SPIN3: variants seen among roughly 807,000 people sequenced by gnomAD.
SPIN3 encodes the protein spindlin-3.
For synonymous variants in SPIN3, 74 were observed against 74.3 expected, an observed-to-expected ratio of 1.00 and a Z score of 0.02; for missense variants, 176 against 196.4, an observed-to-expected ratio of 0.90 and a Z score of 0.62.
chrX:56,980,576 T>A (rs1924095315), intron 3 of SPIN3: 1 of 72,848 alleles, frequency 1.4e-5, no homozygotes, highest in South Asian at 7.4e-4. Flanking sequence ...ATCTCTCTTT[T>A]TTAATTTCCT....
chrX:56,990,541 T>C (rs1326746244), downstream of SPIN3, among the ~76,000 whole-genome samples: 1 of 112,175 alleles, frequency 8.9e-6, no homozygotes, highest in Non-Finnish European at 1.9e-5. Context: ...GTTTATTAAT[T>C]ATATAGTACC....
At chrX:56,987,080 G>A (rs1046475275), downstream of SPIN3, among the ~76,000 whole-genome samples, 7 of 112,031 alleles carry the variant, frequency 6.2e-5, no homozygotes, top group Admixed American at 6.6e-4. Flanking sequence ...GCGGTGAGCC[G>A]AGATTGGGCC....
chrX:56,988,712 C>A (rs1924271851), downstream of SPIN3, among the ~76,000 whole-genome samples: 1 of 111,349 alleles, frequency 9.0e-6, no homozygotes. Flanking sequence ...AAATATAAGC[C>A]TGTGGACCCC....
chrX:56,983,704 A>G (rs1924166685), intron 3 of SPIN3, among the ~76,000 whole-genome samples: 1 of 112,638 alleles, frequency 8.9e-6, no homozygotes, highest in South Asian at 3.6e-4. Context: ...AACAGTTTCA[A>G]CAGACCTGAG....
At position 56,994,031 on chromosome X, in the gene SPIN3, G is replaced by C. The variant is rs944595384; in HGVS notation, c.*140C>G. On this transcript the variant is annotated 3_prime_UTR_variant, in exon 2 of 2. Coordinates refer to ENST00000374919, the MANE Select transcript of SPIN3 (RefSeq NM_001010862.3). ...AAAGGTTTCTTCCAAAAACGTATGAGAGGGCAGAAGTTCCAATTTTTTTGC... is the reference window on the plus strand; with the variant it reads ...AAAGGTTTCTTCCAAAAACGTATGACAGGGCAGAAGTTCCAATTTTTTTGC... 4 of 570,119 alleles carry C rather than the reference G, an allele frequency of 7.0e-6. No individual in the cohort carries two copies. In the African/African-American group the frequency reaches 9.3e-5, roughly 13 times the overall value. 47.0% of individuals were successfully genotyped at this position (570,119 alleles called of 1,213,427 possible).
chrX:56,992,754 C>A lies in SPIN3; in HGVS notation c.*1417G>T, dbSNP rs1271652552. On this transcript the variant is annotated 3_prime_UTR_variant, in exon 2 of 2. Transcript: ENST00000374919. ...TTTGGCCAGGTGCTTCTCTCAAAAACCATGCTTGTACTTCAACTTTTCTTT... is the reference window on the plus strand; with the variant it reads ...TTTGGCCAGGTGCTTCTCTCAAAAAACATGCTTGTACTTCAACTTTTCTTT... 1.1e-5 allele frequency: 3 copies of A among 280,445 alleles called. No homozygotes were observed. Among genetic ancestry groups the A allele is most frequent in the African/African-American group, 8.4e-5 (3 of 35,927 alleles). 23.1% of individuals were successfully genotyped at this position (280,445 alleles called of 1,213,427 possible).
At chrX:56,983,014 G>A (rs1008843437) in intron 3 of SPIN3, 1 of 111,846 alleles carries the variant, frequency 8.9e-6, no homozygotes, top group Non-Finnish European at 1.9e-5. Flanking sequence ...AAAGGAGCCA[G>A]ATCATGAAGG....
Position 56,994,091 on chromosome X carries a change from T to G in SPIN3, c.*80A>C. 4.9e-6 allele frequency: 5 copies of G among 1,020,282 alleles called. No individual in the cohort carries two copies. Among genetic ancestry groups the G allele is most frequent in the Non-Finnish European group, 6.5e-6 (5 of 767,810 alleles). 84.1% of individuals were successfully genotyped at this position (1,020,282 alleles called of 1,213,427 possible). A position where few individuals can be genotyped will look rare whatever the true frequency, so the allele number is the denominator to read the frequency against. ...CGTGCAAAAAGGGAGAAGATGGTTCTTACAAACTGGAAAGCAATCAAGACT... is the reference window on the plus strand; with the variant it reads ...CGTGCAAAAAGGGAGAAGATGGTTCGTACAAACTGGAAAGCAATCAAGACT... On this transcript the variant is annotated 3_prime_UTR_variant, in exon 2 of 2. Transcript: ENST00000374919.
downstream of SPIN3, among the ~76,000 whole-genome samples, chrX:56,988,819 A>C (rs1049712650): frequency 2.4e-4 from 27 of 111,508 alleles, no homozygotes; most frequent in African/African-American, 8.8e-4. Context: ...CTAAAGTGAG[A>C]GCTACTGTAC....
At chrX:56,984,801 C>A (rs1924191955) in intron 2 of SPIN3, among the ~76,000 whole-genome samples, 1 of 111,509 alleles carries the variant, frequency 9.0e-6, no homozygotes, top group South Asian at 3.8e-4. Flanking sequence ...ACTTATGTAT[C>A]CAGCTTAGTC....
Position 56,994,888 on chromosome X carries a change from G to A in SPIN3, c.60C>T (p.His20=). ...TTATCATGGTAACAGACACACTGCCGTGGCCAGCGCCCGTCCTGGACCGCT... is the reference window on the plus strand; with the variant it reads ...TTATCATGGTAACAGACACACTGCCATGGCCAGCGCCCGTCCTGGACCGCT... The part of the protein sequence containing the change: ...AGQRSRTGAG[H]GSVSVTMIKR... The change falls in exon 2 of 2, where the codon CAC becomes CAT. Residue 20 remains histidine, a synonymous_variant. Coordinates refer to ENST00000374919, the MANE Select transcript of SPIN3 (RefSeq NM_001010862.3). The A allele has an allele frequency of 8.3e-7, 1 of 1,210,716 alleles. No homozygotes were observed. The highest frequency in any genetic ancestry group is 1.1e-6 in the Non-Finnish European group (1 of 895,031).
rs1478878816 is a variant in SPIN3, at chrX:56,993,240, A to C, written c.*931T>G. 1 of 111,781 alleles carries C rather than the reference A, an allele frequency of 8.9e-6. No individual in the cohort carries two copies. The highest frequency in any genetic ancestry group is 3.3e-5 in the African/African-American group (1 of 30,719). 9.2% of individuals were successfully genotyped at this position (111,781 alleles called of 1,213,427 possible). On this transcript the variant is annotated 3_prime_UTR_variant, in exon 2 of 2. Coordinates refer to ENST00000374919, the MANE Select transcript of SPIN3 (RefSeq NM_001010862.3). Reference sequence around the variant, plus strand: ...TTTGATTCTAGGTTTCTCCTCTTTCATTTTGAGGTTCTGGACAGATCTGTC... The same window carrying C: ...TTTGATTCTAGGTTTCTCCTCTTTCCTTTTGAGGTTCTGGACAGATCTGTC...
At chrX:56,980,832 T>C (rs1924101056) in intron 3 of SPIN3, among the ~76,000 whole-genome samples, 1 of 111,583 alleles carries the variant, frequency 9.0e-6, no homozygotes, top group Non-Finnish European at 1.9e-5. Context: ...TGTATATGCT[T>C]ACATTCTTAA....
intron 3 of SPIN3, among the ~76,000 whole-genome samples, chrX:56,980,632 G>T (rs1461035556): frequency 9.1e-6 from 1 of 109,940 alleles, no homozygotes; most frequent in Non-Finnish European, 1.9e-5. Context: ...AGCAGCAGTA[G>T]CAGCGTGGCT....
At chrX:56,976,796 C>T (rs1319867702) in exon 6 of SPIN3, 2 of 111,490 alleles carry the variant, frequency 1.8e-5, no homozygotes, top group African/African-American at 3.3e-5. Flanking sequence ...TAGCAATGGC[C>T]CATGACTGTT....
exon 3 of SPIN3, chrX:56,984,437 C>A (rs1178813387): frequency 6.3e-6 from 2 of 318,360 alleles, no homozygotes. Context: ...AAAAGAAAGT[C>A]ATGTATGGGT....
At chrX:56,975,391 T>C (rs1179103938), downstream of SPIN3, 24 of 111,873 alleles carry the variant, frequency 2.1e-4, no homozygotes, top group Non-Finnish European at 7.5e-5. Context: ...TAAAATGCGA[T>C]GTCTGGGTTA....
chrX:56,976,069 G>A (rs1924001564), downstream of SPIN3: 1 of 111,768 alleles, frequency 8.9e-6, no homozygotes, highest in Admixed American at 9.5e-5. Context: ...AAACATCTTG[G>A]TGGACAGTTT....
At position 56,994,092 on chromosome X, in the gene SPIN3, T is replaced by C. The variant is rs1013457355; in HGVS notation, c.*79A>G. On this transcript the variant is annotated 3_prime_UTR_variant, in exon 2 of 2. Transcript: ENST00000374919. The stretch of plus-strand genomic sequence containing the variant: ...GTGCAAAAAGGGAGAAGATGGTTCT[T>C]ACAAACTGGAAAGCAATCAAGACTT... 2 of 1,019,803 alleles carry C rather than the reference T, an allele frequency of 2.0e-6. No homozygotes were observed. Among genetic ancestry groups the C allele is most frequent in the African/African-American group, 3.8e-5 (2 of 52,077 alleles). 84.0% of individuals were successfully genotyped at this position (1,019,803 alleles called of 1,213,427 possible). A position where few individuals can be genotyped will look rare whatever the true frequency, so the allele number is the denominator to read the frequency against.
Sources: allele counts gnomAD v4.1 joint callset (sites outside exome capture counted in the v4.1 genomes callset), GRCh38; gene constraint gnomAD v4.1.1; transcripts MANE v1.5; gene names NCBI Gene and HGNC (gene_info 2026-07-23, HGNC 2026-07-21).